The following CDK19 variants were observed in gnomAD, a reference collection of about 807,000 sequenced individuals.
The protein encoded by CDK19 is cyclin-dependent kinase 19.
In CDK19, 20 loss-of-function variants were observed where a neutral mutation model predicts 68.3. That is an observed-to-expected ratio of 0.29 (90% CI 0.21 to 0.43). The LOEUF is 0.43. Among genes scored for constraint, CDK19 ranks in the 20% least tolerant of loss-of-function variants. The probability of loss-of-function intolerance (pLI) is 1.00; values close to 1 mark genes in which losing one functional copy is unlikely to be tolerated. For synonymous variants in CDK19, 221 were observed against 222.8 expected (o/e 0.99, Z 0.07); for missense variants, 339 against 623.5 (o/e 0.54, Z 4.86).
At chr6:110,754,484 A>ATT (rs11362155) in intron 1 of CDK19, among the ~76,000 whole-genome samples, 32 of 146,520 alleles carry the variant, frequency 2.2e-4, no homozygotes, top group Admixed American at 6.2e-4. Context: ...AGTTAAACTA[A>ATT]TTTTTTTTTT....
At chr6:110,643,196 T>C in intron 4 of CDK19, 4 of 1,287,974 alleles carry the variant, frequency 3.1e-6, no homozygotes, top group Non-Finnish European at 4.0e-6. Context: ...CTTACCAACT[T>C]AGGCCTGACG....
intron 1 of CDK19, among the ~76,000 whole-genome samples, chr6:110,773,017 G>C (rs1264472181): frequency 6.7e-6 from 1 of 148,482 alleles, no homozygotes; most frequent in Non-Finnish European, 1.5e-5. Context: ...GGGGCTCAAG[G>C]CCAGCCTGGG....
chr6:110,739,173 C>G (rs888470688), intron 2 of CDK19, among the ~76,000 whole-genome samples: 1 of 152,218 alleles, frequency 6.6e-6, no homozygotes, highest in Non-Finnish European at 1.5e-5. Context: ...ATGTTGAAAT[C>G]CTAAACCCTA....
intron 4 of CDK19, among the ~76,000 whole-genome samples, chr6:110,647,536 T>A (rs900767615): frequency 6.6e-6 from 1 of 152,170 alleles, no homozygotes; most frequent in Non-Finnish European, 1.5e-5. Context: ...ATCCCATGAA[T>A]AACTTCATAT....
At chr6:110,799,880 GGT>G (rs1782229334) in intron 1 of CDK19, among the ~76,000 whole-genome samples, 1 of 152,240 alleles carries the variant, frequency 6.6e-6, no homozygotes, top group African/African-American at 2.4e-5. Flanking sequence ...TGGAATTATA[GGT>G]GTGAGCCACA....
chr6:110,766,135 G>C lies in CDK19; in HGVS notation c.129-19934C>G, dbSNP rs370570368. Reference sequence around the variant, plus strand: ...GGAAAGAGAATCAGTATGTCAAAGAGATAGCTGCACTCCTATGTTTATTGC... The same window carrying C: ...GGAAAGAGAATCAGTATGTCAAAGACATAGCTGCACTCCTATGTTTATTGC... On this transcript the variant is annotated intron_variant, in intron 1 of 12. Transcript: ENST00000368911. 2.0e-5 allele frequency among the ~76,000 whole-genome samples: 3 copies of C among 152,284 alleles called. No individual in the cohort carries two copies. In the East Asian group the frequency reaches 5.8e-4, roughly 29 times the overall value.
At position 110,610,034 on chromosome 6, in the gene CDK19, A is replaced by G. The variant is rs1261679795; in HGVS notation, c.*4501T>C. On this transcript the variant is annotated 3_prime_UTR_variant, in exon 13 of 13. Coordinates refer to ENST00000368911, the MANE Select transcript of CDK19 (RefSeq NM_015076.5). ...ATATAAAATAAATGCAATGTAATTT[A>G]TTTTAGTTTTAACAGTCATTTCAAG... 6.6e-6 allele frequency: 1 copy of G among 152,216 alleles called. No homozygotes were observed. Among genetic ancestry groups the G allele is most frequent in the Non-Finnish European group, 1.5e-5 (1 of 68,042 alleles). 9.4% of individuals were successfully genotyped at this position (152,216 alleles called of 1,614,324 possible). A position where few individuals can be genotyped will look rare whatever the true frequency, so the allele number is the denominator to read the frequency against.
In CDK19 at chr6:110,741,662, GA is replaced by G. The variant is rs535539990; in HGVS notation, c.204+4463del. On this transcript the variant is annotated intron_variant, in intron 2 of 12. Coordinates refer to ENST00000368911, the MANE Select transcript of CDK19 (RefSeq NM_015076.5). ...ACAGAATCTTGAAATCAACAAGAGG[GA>G]AAAAAAAAACCCTCTTCATATACAA... Among the ~76,000 whole-genome samples the G allele has an allele frequency of 3.7e-3, 538 of 144,878 alleles. 2 individuals carry two copies. Among genetic ancestry groups the G allele is most frequent in the Non-Finnish European group, 4.4e-3 (288 of 65,502 alleles).
rs942826806 is a variant in CDK19 at position 110,621,215 on chromosome 6, C to T, written c.1266G>A (p.Gly422=). ...GGCTGGAGTCCTGGCTGTGCTGCAA[C>T]CCTGCTCCGGTGCCCCCGACCCCGG... The part of the protein sequence containing the change: ...AGAGVGGTGA[G]LQHSQDSSLN... The change falls in exon 12 of 13, where the codon GGG becomes GGA. Residue 422 remains glycine (G), a synonymous_variant. Transcript: ENST00000368911. The surrounding 1 kb of genome is among the most constrained non-coding windows in gnomAD (Gnocchi z 5.4). 3.3e-5 allele frequency: 53 copies of T among 1,613,678 alleles called. No homozygotes were observed. Among genetic ancestry groups the T allele is most frequent in the Non-Finnish European group, 4.5e-5 (53 of 1,180,028 alleles).
chr6:110,669,403 G>A (rs1235402648), intron 3 of CDK19, among the ~76,000 whole-genome samples: 1 of 151,082 alleles, frequency 6.6e-6, no homozygotes, highest in Admixed American at 6.6e-5. Flanking sequence ...CTTGAGCCCA[G>A]GAGGTCAAAG....
chr6:110,759,973 A>G (rs1449062505), intron 1 of CDK19, among the ~76,000 whole-genome samples: 1 of 152,198 alleles, frequency 6.6e-6, no homozygotes, highest in African/African-American at 2.4e-5. Flanking sequence ...GGGCAACAGC[A>G]TTTTTCCATT....
intron 2 of CDK19, among the ~76,000 whole-genome samples, chr6:110,718,687 A>AT (rs1044561591): frequency 6.6e-6 from 1 of 151,514 alleles, no homozygotes; most frequent in African/African-American, 2.4e-5. Context: ...GCTAAATTAT[A>AT]TTTTTTAAAA....
At chr6:110,714,725 T>TC (rs71021810) in intron 2 of CDK19, among the ~76,000 whole-genome samples, 83,637 of 136,312 alleles carry the variant, frequency 0.61, 25,673 homozygotes, top group Admixed American at 0.77. Flanking sequence ...GTCTTTTCTT[T>TC]TTTTTTTTTT....
At chr6:110,708,201 A>C (rs1774671668) in intron 2 of CDK19, among the ~76,000 whole-genome samples, 1 of 152,138 alleles carries the variant, frequency 6.6e-6, no homozygotes, top group Admixed American at 6.5e-5. Context: ...ACTGGACAGT[A>C]CAGATACTTT....
intron 6 of CDK19, among the ~76,000 whole-genome samples, chr6:110,631,357 T>C (rs887566412): frequency 2.0e-5 from 3 of 152,260 alleles, no homozygotes; most frequent in African/African-American, 7.2e-5. Flanking sequence ...ACTCCCTCCA[T>C]TCACAGCTGG....
chr6:110,729,647 T>C (rs961508669), intron 2 of CDK19, among the ~76,000 whole-genome samples: 3 of 150,452 alleles, frequency 2.0e-5, no homozygotes, highest in African/African-American at 7.3e-5. Flanking sequence ...TTCACTATGT[T>C]GGCCAGACTG....
intron 1 of CDK19, among the ~76,000 whole-genome samples, chr6:110,774,783 T>C (rs1187385955): frequency 6.6e-6 from 1 of 152,122 alleles, no homozygotes; most frequent in Non-Finnish European, 1.5e-5. Flanking sequence ...ACCCCATCTC[T>C]ACTAAAAATA....
chr6:110,742,178 T>G (rs374470697), intron 2 of CDK19, among the ~76,000 whole-genome samples: 1 of 152,238 alleles, frequency 6.6e-6, no homozygotes, highest in African/African-American at 2.4e-5. Flanking sequence ...GAAGATTTCA[T>G]GGACATTTAT....
intron 1 of CDK19, among the ~76,000 whole-genome samples, chr6:110,759,251 A>T (rs1221769360): frequency 6.0e-5 from 9 of 150,484 alleles, no homozygotes; most frequent in Admixed American, 6.0e-4. Context: ...ATACAAAAAA[A>T]AAAATTAGCC....
Sources: allele counts gnomAD v4.1 joint callset (sites outside exome capture counted in the v4.1 genomes callset), GRCh38; gene constraint gnomAD v4.1.1; non-coding constraint Gnocchi (gnomAD v3.1); transcripts MANE v1.5; gene names NCBI Gene and HGNC (gene_info 2026-07-23, HGNC 2026-07-21).